TRERF1: variants seen among roughly 807,000 people sequenced by gnomAD.
TRERF1 encodes the protein transcriptional-regulating factor 1.
In TRERF1, 27 loss-of-function variants were observed where a neutral mutation model predicts 122.9. The observed-to-expected ratio is 0.22, with a 90% CI of 0.16 to 0.30. The LOEUF is 0.30. Among genes scored for constraint, TRERF1 ranks in the 10% least tolerant of loss-of-function variants. The pLI is 1.00. For synonymous variants in TRERF1, 636 were observed against 641.7 expected, an observed-to-expected ratio of 0.99 and a Z score of 0.13; for missense variants, 1,248 against 1,560.3, an observed-to-expected ratio of 0.80 and a Z score of 3.37.
At chr6:42,358,052 G>T (rs1026221698) in intron 3 of TRERF1, among the ~76,000 whole-genome samples, 1 of 152,094 alleles carries the variant, frequency 6.6e-6, no homozygotes, top group Non-Finnish European at 1.5e-5. Flanking sequence ...GGGGCTCCTG[G>T]GATCAAACCA....
intron 2 of TRERF1, among the ~76,000 whole-genome samples, chr6:42,441,081 C>T (rs570139505): frequency 6.6e-6 from 1 of 152,278 alleles, no homozygotes; most frequent in South Asian, 2.1e-4. Context: ...CTTTCCCCTC[C>T]CCAACTCGAG....
intron 3 of TRERF1, among the ~76,000 whole-genome samples, chr6:42,357,720 G>A (rs1402984796): frequency 6.6e-6 from 1 of 152,206 alleles, no homozygotes; most frequent in Non-Finnish European, 1.5e-5. Context: ...AACAAGGACA[G>A]AGGGGTTACT....
At chr6:42,308,402 A>C (rs896517609) in intron 3 of TRERF1, among the ~76,000 whole-genome samples, 1 of 152,226 alleles carries the variant, frequency 6.6e-6, no homozygotes. Flanking sequence ...TTTTATCTGG[A>C]ACATCCAGAA....
rs367902405 is a variant in TRERF1 at position 42,315,706 on chromosome 6, ACC to A, written c.-370-14959_-370-14958del. ...GGTCAGGGTTGGGGAGAGGAACACC[ACC>A]CCCCCCCCCACCCACTGCCACCCCC... is the stretch of plus-strand genomic sequence containing the variant. On this transcript the variant is annotated intron_variant, in intron 3 of 17. Coordinates refer to ENST00000372922, the Ensembl canonical transcript of TRERF1. Among the ~76,000 whole-genome samples, 156 of 118,652 alleles carry A rather than the reference ACC, an allele frequency of 1.3e-3. 2 individuals are homozygous for A. Among genetic ancestry groups the A allele is most frequent in the African/African-American group, 4.6e-3 (137 of 29,960 alleles). The allele number at this position is 118,652 out of a possible 152,430, so 77.8% of individuals were successfully genotyped here.
chr6:42,261,846 T>C (rs576527920), intron 8 of TRERF1, among the ~76,000 whole-genome samples: 6 of 152,314 alleles, frequency 3.9e-5, no homozygotes, highest in African/African-American at 1.4e-4. Flanking sequence ...AGAACTCTAA[T>C]GGTGATCTCC....
intron 3 of TRERF1, among the ~76,000 whole-genome samples, chr6:42,310,473 C>CAAA (rs1159723552): frequency 6.6e-6 from 1 of 152,152 alleles, no homozygotes; most frequent in Non-Finnish European, 1.5e-5. Flanking sequence ...AGCAGTAGTT[C>CAAA]TCAACAGGGA....
chr6:42,268,759 C>T lies in TRERF1; in HGVS notation c.832G>A (p.Ala278Thr), dbSNP rs1561872045. The change falls in exon 5 of 18, where the codon GCC becomes ACC. Residue 278 changes from alanine (A) to threonine (T), a missense_variant. Physicochemically the swap from Ala to Thr is moderately conservative, Grantham distance 58 (BLOSUM62 0). Coordinates refer to ENST00000372922, the Ensembl canonical transcript of TRERF1. The surrounding 1 kb of genome is among the most constrained non-coding windows in gnomAD (Gnocchi z 4.4). ...TGCATGGAGATACGCTGTTGCCCGGCTTGCTGCTGTTGCTGCGGTGGGTAA... is the reference window on the plus strand; with the variant it reads ...TGCATGGAGATACGCTGTTGCCCGGTTTGCTGCTGTTGCTGCGGTGGGTAA... 6.2e-7 allele frequency: 1 copy of T among 1,614,192 alleles called. No homozygotes were observed. The highest frequency in any genetic ancestry group is 8.5e-7 in the Non-Finnish European group (1 of 1,180,040).
At chr6:42,371,972 A>C (rs1021177161) in intron 2 of TRERF1, among the ~76,000 whole-genome samples, 1 of 152,162 alleles carries the variant, frequency 6.6e-6, no homozygotes, top group Non-Finnish European at 1.5e-5. Flanking sequence ...ACTTGAGGTC[A>C]GGAGTTCGAG....
chr6:42,308,644 T>G (rs1239357136), intron 3 of TRERF1, among the ~76,000 whole-genome samples: 1 of 152,168 alleles, frequency 6.6e-6, no homozygotes, highest in East Asian at 1.9e-4. Flanking sequence ...GGAACATGGG[T>G]GGAGCTGGAG....
At chr6:42,267,516 C>T (rs1779424080) in intron 5 of TRERF1, among the ~76,000 whole-genome samples, 1 of 151,978 alleles carries the variant, frequency 6.6e-6, no homozygotes, top group African/African-American at 2.4e-5. Context: ...GTAATTCCAG[C>T]TACTTAGGAG....
At chr6:42,434,705 CACACA>C (rs1785021349) in intron 2 of TRERF1, among the ~76,000 whole-genome samples, 5 of 151,664 alleles carry the variant, frequency 3.3e-5, no homozygotes, top group South Asian at 2.1e-4. Flanking sequence ...CACACACACA[CACACA>C]CCCCTAATAG....
chr6:42,392,910 A>C (rs1200133129), intron 2 of TRERF1, among the ~76,000 whole-genome samples: 1 of 119,498 alleles, frequency 8.4e-6, no homozygotes, highest in Non-Finnish European at 1.7e-5. Flanking sequence ...AACAAGCAGC[A>C]CACACACACA....
At chr6:42,238,719 G>A (rs1582471053) in intron 15 of TRERF1, among the ~76,000 whole-genome samples, 1 of 152,110 alleles carries the variant, frequency 6.6e-6, no homozygotes, top group African/African-American at 2.4e-5. Context: ...AAATTGGTAA[G>A]TCAGAATACA....
chr6:42,409,437 TC>T (rs199964542), intron 2 of TRERF1, among the ~76,000 whole-genome samples: 1,959 of 152,302 alleles, frequency 0.013, 33 homozygotes, highest in East Asian at 0.089. Context: ...TTTCAAAACA[TC>T]CTTTGATATG....
chr6:42,273,219 C>T (rs1780565155), intron 4 of TRERF1, among the ~76,000 whole-genome samples: 1 of 152,064 alleles, frequency 6.6e-6, no homozygotes, highest in African/African-American at 2.4e-5. Context: ...TGTAATTGCA[C>T]TTCCACCAGT....
intron 2 of TRERF1, among the ~76,000 whole-genome samples, chr6:42,447,342 G>A (rs1481139051): frequency 1.3e-5 from 2 of 152,192 alleles, no homozygotes; most frequent in Non-Finnish European, 2.9e-5. Context: ...GAGCCCTGGG[G>A]TCAAACTCAT....
In TRERF1 at chr6:42,259,838, C is replaced by G. The variant is rs952223136; in HGVS notation, c.1885-115G>C. 1 of 1,427,368 alleles carries G rather than the reference C, an allele frequency of 7.0e-7. No individual in the cohort carries two copies. The highest frequency in any genetic ancestry group is 1.4e-5 in the African/African-American group (1 of 70,064). 88.4% of individuals were successfully genotyped at this position (1,427,368 alleles called of 1,614,324 possible). On this transcript the variant is annotated intron_variant, in intron 8 of 17. Coordinates refer to ENST00000372922, the Ensembl canonical transcript of TRERF1. The surrounding 1 kb of genome is among the most constrained non-coding windows in gnomAD (Gnocchi z 4.9). ...TAAGCAGAGAGCCCTTCTGCTTGAC[C>G]CCCCCACCCCCAACGCCCCCACATT...
chr6:42,375,003 C>CAAAAAAAAA (rs55696342), intron 2 of TRERF1, among the ~76,000 whole-genome samples: 1 of 87,512 alleles, frequency 1.1e-5, no homozygotes, highest in African/African-American at 4.3e-5. Context: ...AAGATTCTGT[C>CAAAAAAAAA]AAAAAAAAAA....
chr6:42,368,158 A>T (rs1290099452), intron 2 of TRERF1, among the ~76,000 whole-genome samples: 1 of 152,150 alleles, frequency 6.6e-6, no homozygotes, highest in African/African-American at 2.4e-5. Flanking sequence ...CCCTGCATCC[A>T]GGCAGTATAC....
Sources: allele counts gnomAD v4.1 joint callset (sites outside exome capture counted in the v4.1 genomes callset), GRCh38; gene constraint gnomAD v4.1.1; non-coding constraint Gnocchi (gnomAD v3.1); transcripts MANE v1.5; gene names NCBI Gene and HGNC (gene_info 2026-07-23, HGNC 2026-07-21).